The following PTK2 variants were observed in gnomAD, a reference collection of about 807,000 sequenced individuals.
PTK2 encodes the protein protein tyrosine kinase 2.
In PTK2, 45 loss-of-function variants were observed where a neutral mutation model predicts 150.1. The ratio of observed to expected loss-of-function variants is 0.30; its 90% CI spans 0.24 to 0.38. The LOEUF is 0.38. PTK2 is among the 10% of genes least tolerant of loss of function. The probability of loss-of-function intolerance (pLI) is 1.00; values close to 1 mark genes in which losing one functional copy is unlikely to be tolerated. For missense variants in PTK2, 919 were observed against 1,307.3 expected (o/e 0.70, Z 4.58); for synonymous variants, 432 against 449.2 (o/e 0.96, Z 0.48).
chr8:140,813,685 C>T (rs896866243), intron 10 of PTK2, among the ~76,000 whole-genome samples: 2 of 151,934 alleles, frequency 1.3e-5, no homozygotes, highest in African/African-American at 2.4e-5. Flanking sequence ...ATGCCCACAT[C>T]GAAAAGTTAG....
chr8:140,967,765 A>G (rs571757296), intron 1 of PTK2, among the ~76,000 whole-genome samples: 9 of 152,054 alleles, frequency 5.9e-5, no homozygotes, highest in Admixed American at 1.3e-4. Flanking sequence ...GCCTAACCCA[A>G]CATTTCTTAA....
At chr8:140,942,296 A>G (rs2100176107) in intron 1 of PTK2, among the ~76,000 whole-genome samples, 1 of 152,228 alleles carries the variant, frequency 6.6e-6, no homozygotes, top group South Asian at 2.1e-4. Context: ...TCAATATAAG[A>G]AATAGCATTT....
chr8:140,859,768 C>T (rs2100134971), intron 5 of PTK2, among the ~76,000 whole-genome samples: 1 of 148,498 alleles, frequency 6.7e-6, no homozygotes, highest in African/African-American at 2.5e-5. Flanking sequence ...CCACCCCCGA[C>T]ATGTGTGTTT....
chr8:140,751,879 AG>A (rs745728191), intron 17 of PTK2: 3 of 526,134 alleles, frequency 5.7e-6, no homozygotes, highest in East Asian at 1.1e-4. Flanking sequence ...CCATCAGGGC[AG>A]GGACTGTGTG....
intron 14 of PTK2, among the ~76,000 whole-genome samples, chr8:140,773,741 A>G (rs1554966081): frequency 6.6e-6 from 1 of 152,158 alleles, no homozygotes; most frequent in Non-Finnish European, 1.5e-5. Flanking sequence ...TTTTATTCTA[A>G]ATGATGTCAA....
intron 4 of PTK2, among the ~76,000 whole-genome samples, chr8:140,872,769 A>G (rs527586806): frequency 2.0e-5 from 3 of 152,334 alleles, no homozygotes; most frequent in East Asian, 3.9e-4. Flanking sequence ...ATGTGTTCCC[A>G]ACAATCTCGT....
chr8:140,975,861 A>G (rs2100189093), intron 1 of PTK2, among the ~76,000 whole-genome samples: 1 of 152,220 alleles, frequency 6.6e-6, no homozygotes, highest in Admixed American at 6.5e-5. Context: ...TCAGGGCTTA[A>G]TACCGTACCA....
At chr8:140,955,800 G>A (rs1033231304) in intron 1 of PTK2, among the ~76,000 whole-genome samples, 7 of 152,216 alleles carry the variant, frequency 4.6e-5, no homozygotes, top group Admixed American at 3.3e-4. Context: ...AGAAGGTTCA[G>A]AACTGGCAGC....
At chr8:140,841,878 G>C (rs1350007648) in intron 7 of PTK2, among the ~76,000 whole-genome samples, 1 of 151,886 alleles carries the variant, frequency 6.6e-6, no homozygotes, top group East Asian at 1.9e-4. Context: ...TATCATATAG[G>C]CAAAAATGAA....
intron 1 of PTK2, among the ~76,000 whole-genome samples, chr8:140,978,308 C>T (rs1251782533): frequency 6.6e-6 from 1 of 152,194 alleles, no homozygotes; most frequent in Non-Finnish European, 1.5e-5. Flanking sequence ...AAACTATCAT[C>T]AGAGTGAACA....
chr8:140,703,829 T>C (rs748430678), intron 24 of PTK2, among the ~76,000 whole-genome samples: 5 of 152,240 alleles, frequency 3.3e-5, no homozygotes, highest in African/African-American at 7.2e-5. Context: ...AGAATCAGTA[T>C]TGGTTTCCAC....
intron 1 of PTK2, among the ~76,000 whole-genome samples, chr8:140,999,717 C>T (rs1382604651): frequency 6.6e-6 from 1 of 152,160 alleles, no homozygotes; most frequent in Non-Finnish European, 1.5e-5. Context: ...CTCTCGAAGA[C>T]ATCATTTTCA....
At chr8:140,902,947 T>TTTTTG (rs2100159313) in intron 2 of PTK2, among the ~76,000 whole-genome samples, 3 of 143,136 alleles carry the variant, frequency 2.1e-5, no homozygotes, top group Non-Finnish European at 4.6e-5. Flanking sequence ...TTTTTTTTTT[T>TTTTTG]TTTTTTTTTT....
intron 1 of PTK2, among the ~76,000 whole-genome samples, chr8:140,967,457 CTTTCTT>C (rs1476537501): frequency 1.6e-4 from 19 of 115,914 alleles, no homozygotes; most frequent in Middle Eastern, 5.0e-3. Flanking sequence ...TTCTTTCTTT[CTTTCTT>C]TTTTTTTTTT....
intron 10 of PTK2, among the ~76,000 whole-genome samples, chr8:140,816,190 T>C (rs945566053): frequency 2.0e-5 from 3 of 152,146 alleles, no homozygotes; most frequent in African/African-American, 7.2e-5. Context: ...ACAATATAAA[T>C]TTTAAATTGT....
exon 25 of PTK2, chr8:140,702,594 T>C (rs2100031290): frequency 6.2e-7 from 1 of 1,613,288 alleles, no homozygotes; most frequent in South Asian, 1.1e-5. Context: ...GCCACATTGC[T>C]ATCTCCTGAG....
intron 14 of PTK2, among the ~76,000 whole-genome samples, chr8:140,779,845 C>T (rs2100080669): frequency 6.6e-6 from 1 of 152,100 alleles, no homozygotes; most frequent in African/African-American, 2.4e-5. Context: ...CAATTCTATT[C>T]TTCTCCTTGG....
chr8:140,977,459 T>C (rs2100189679), intron 1 of PTK2, among the ~76,000 whole-genome samples: 1 of 151,786 alleles, frequency 6.6e-6, no homozygotes, highest in African/African-American at 2.4e-5. Context: ...CCATCTCTAC[T>C]AAAAATACAA....
intron 1 of PTK2, among the ~76,000 whole-genome samples, chr8:140,928,967 T>C (rs2100170710): frequency 7.7e-6 from 1 of 129,272 alleles, no homozygotes; most frequent in Non-Finnish European, 1.7e-5. Context: ...ATTTTTTTTT[T>C]TTTTTTTTTT....
Sources: allele counts gnomAD v4.1 joint callset (sites outside exome capture counted in the v4.1 genomes callset), GRCh38; gene constraint gnomAD v4.1.1; transcripts MANE v1.5; gene names NCBI Gene and HGNC (gene_info 2026-07-23, HGNC 2026-07-21).